Variants in TBCK observed in about 807,000 individuals in gnomAD.
TBCK encodes TBC1 domain containing kinase, also known as TBC domain-containing protein kinase-like protein.
TBCK carries 99 observed loss-of-function variants against 113.4 expected under a neutral mutation model. The ratio of observed to expected loss-of-function variants is 0.87; its 90% CI spans 0.74 to 1.03. The LOEUF is 1.03. TBCK is among the 50% of genes least tolerant of loss of function. The pLI is 0.00. For missense variants in TBCK, 1,045 were observed against 1,061.3 expected (o/e 0.98, Z 0.21); for synonymous variants, 369 against 370.8 (o/e 1.00, Z 0.05).
intron 1 of TBCK, 92 bp from the exon 2 acceptor site, chr4:106,309,081 C>T: frequency 1.4e-6 from 1 of 723,100 alleles, no homozygotes; most frequent in Non-Finnish European, 2.2e-6. Flanking sequence ...GAGGAAAATG[C>T]CAACCTGAAC....
At chr4:106,146,644 C>T (rs1473369080) in intron 23 of TBCK, among the ~76,000 whole-genome samples, 2 of 152,166 alleles carry the variant, frequency 1.3e-5, no homozygotes, top group Non-Finnish European at 2.9e-5. Flanking sequence ...TCTAAGCCCC[C>T]AGCAAGTCAT....
At chr4:106,214,080 A>C (rs1185841331) in intron 19 of TBCK, among the ~76,000 whole-genome samples, 1 of 152,150 alleles carries the variant, frequency 6.6e-6, no homozygotes, top group African/African-American at 2.4e-5. Context: ...GAGCAGCCTA[A>C]CTGGGAGGCA....
chr4:106,289,596 C>T (rs1053895885), intron 3 of TBCK, among the ~76,000 whole-genome samples: 10 of 151,680 alleles, frequency 6.6e-5, no homozygotes, highest in African/African-American at 2.2e-4. Flanking sequence ...TGGTGAAACC[C>T]CATCTCTACT....
intron 20 of TBCK, among the ~76,000 whole-genome samples, chr4:106,197,961 T>C (rs1754454119): frequency 6.6e-6 from 1 of 152,206 alleles, no homozygotes; most frequent in Admixed American, 6.5e-5. Flanking sequence ...GTTCAGGTTC[T>C]ACCTGGTCCA....
intron 15 of TBCK, 71 bp from the exon 16 acceptor site, chr4:106,233,721 T>C (rs566110725): frequency 1.6e-6 from 2 of 1,258,644 alleles, no homozygotes; most frequent in East Asian, 5.2e-5. Context: ...GAGAAATCTA[T>C]TTTTTACAAA....
At position 106,193,667 on chromosome 4, in the gene TBCK, C is replaced by A. The variant is rs749047609; in HGVS notation, c.2001G>T (p.Arg667=). The change falls in exon 22 of 26, where the codon CGG becomes CGT. Residue 667 remains arginine, a synonymous_variant. Transcript: ENST00000394708. ...TAAAGCCATTAGCCAAAAGCCGGTC[C>A]CGCAGCTGCTGAAGAATTGCTACTC... ...CIGVAILQQL[R]DRLLANGFNE... is the part of the protein sequence containing the mutation. The A allele has an allele frequency of 3.1e-6, 5 of 1,613,388 alleles. No individual in the cohort carries two copies. The highest frequency in any genetic ancestry group is 4.2e-6 in the Non-Finnish European group (5 of 1,179,612).
intron 25 of TBCK, among the ~76,000 whole-genome samples, chr4:106,073,004 T>G (rs1236134805): frequency 6.6e-6 from 1 of 152,180 alleles, no homozygotes; most frequent in African/African-American, 2.4e-5. Context: ...CGTCTAATCC[T>G]TTTTCAAGGA....
At chr4:106,062,459 A>G (rs777068148) in intron 25 of TBCK, among the ~76,000 whole-genome samples, 4 of 151,934 alleles carry the variant, frequency 2.6e-5, no homozygotes, top group Non-Finnish European at 5.9e-5. Flanking sequence ...TACACTAGAC[A>G]ACTGAGACTA....
At position 106,193,647 on chromosome 4, in the gene TBCK, C is replaced by T. The variant is rs754455818; in HGVS notation, c.2021G>A (p.Gly674Asp). 2 of 1,613,454 alleles carry T rather than the reference C, an allele frequency of 1.2e-6. No individual in the cohort carries two copies. The highest frequency in any genetic ancestry group is 1.7e-6 in the Non-Finnish European group (2 of 1,179,610). The change falls in exon 22 of 26, where the codon GGC becomes GAC. Residue 674 changes from glycine to aspartate, a missense_variant. By Grantham distance (94) the Gly-to-Asp change is moderately conservative (BLOSUM62 -1). Transcript: ENST00000394708. The stretch of plus-strand genomic sequence containing the variant: ...GAAGAGAAGAATACACTCATTAAAG[C>T]CATTAGCCAAAAGCCGGTCCCGCAG... ...QQLRDRLLAN[G>D]FNECILLFSD...
At chr4:106,260,299 G>C in intron 5 of TBCK, 138 bp downstream of exon 5, 1 of 384,852 alleles carries the variant, frequency 2.6e-6, no homozygotes, top group Non-Finnish European at 4.7e-6. Flanking sequence ...AAAGTATATG[G>C]AAAATTGAGA....
At chr4:106,077,050 G>A (rs1242773429) in intron 25 of TBCK, among the ~76,000 whole-genome samples, 8 of 152,118 alleles carry the variant, frequency 5.3e-5, no homozygotes, top group Admixed American at 4.6e-4. Context: ...GCAGTGAGCT[G>A]AGATTGTACT....
intron 25 of TBCK, among the ~76,000 whole-genome samples, chr4:106,072,944 C>T (rs558013629): frequency 2.0e-5 from 3 of 152,282 alleles, no homozygotes; most frequent in East Asian, 3.9e-4. Flanking sequence ...TTTTCAGCTC[C>T]ATCAGGTCAC....
intron 22 of TBCK, among the ~76,000 whole-genome samples, chr4:106,179,212 C>A (rs1306160858): frequency 6.6e-6 from 1 of 151,882 alleles, no homozygotes; most frequent in East Asian, 1.9e-4. Context: ...TTTTGTTGAT[C>A]TTTTGTATTG....
At chr4:106,085,271 A>AAAAACAAAAC (rs140682905) in intron 25 of TBCK, among the ~76,000 whole-genome samples, 1,572 of 150,090 alleles carry the variant, frequency 0.01, 17 homozygotes, top group African/African-American at 0.022. Flanking sequence ...AAATGGAAAG[A>AAAAACAAAAC]AAAACAAAAC....
chr4:106,186,274 G>A (rs1753013001), intron 22 of TBCK, among the ~76,000 whole-genome samples: 1 of 152,138 alleles, frequency 6.6e-6, no homozygotes, highest in African/African-American at 2.4e-5. Context: ...GGGTTGAATG[G>A]AAGCTCTGTT....
rs1261635015 is a variant in TBCK at position 106,236,533 on chromosome 4, CA to C, written c.1221-15del. On this transcript the variant is annotated splice_polypyrimidine_tract_variant and intron_variant, in intron 13 of 25. Coordinates refer to ENST00000394708, the MANE Select transcript of TBCK (RefSeq NM_001163435.3). ...AAATTAGACTGGCTGTAAAAGAGAA[CA>C]AAAGCAATAAAAAAAAAAAATGGAC... 2.8e-6 allele frequency: 4 copies of C among 1,446,622 alleles called. No homozygotes were observed. The highest frequency in any genetic ancestry group is 3.6e-6 in the Non-Finnish European group (4 of 1,101,134). 89.6% of individuals were successfully genotyped at this position (1,446,622 alleles called of 1,614,324 possible). A position where few individuals can be genotyped will look rare whatever the true frequency, so the allele number is the denominator to read the frequency against.
chr4:106,193,513 G>T, intron 22 of TBCK, 96 bp downstream of exon 22: 1 of 1,290,038 alleles, frequency 7.8e-7, no homozygotes, highest in Non-Finnish European at 1.1e-6. Context: ...AAGAGATGCT[G>T]AAGGCCTGGA....
At chr4:106,092,566 C>T (rs62321365) in intron 25 of TBCK, among the ~76,000 whole-genome samples, 42,754 of 152,190 alleles carry the variant, frequency 0.28, 6,296 homozygotes, top group Middle Eastern at 0.34. Context: ...AGCTAAGGCC[C>T]GGTGAGAAAT....
chr4:106,214,132 C>T (rs1430524121), intron 19 of TBCK, among the ~76,000 whole-genome samples: 5 of 152,112 alleles, frequency 3.3e-5, no homozygotes, highest in African/African-American at 1.2e-4. Context: ...CGGCAGGGTA[C>T]TCCAACAGAC....
Sources: gnomAD v4.1 joint callset for allele counts (sites outside exome capture counted in the v4.1 genomes callset) on GRCh38, gnomAD v4.1.1 for gene constraint, MANE v1.5 for transcripts, NCBI Gene and HGNC (gene_info 2026-07-23, HGNC 2026-07-21) for gene names.